The following GIPR variants were observed in gnomAD, a reference collection of about 807,000 sequenced individuals.
GIPR encodes the protein GIP-R.
Under a neutral mutation model 62.2 loss-of-function variants are expected in GIPR, and 74 were observed. The ratio of observed to expected loss-of-function variants is 1.19; its 90% CI spans 0.99 to 1.44. GIPR has a LOEUF of 1.44. Ranked by LOEUF, GIPR falls within the 40% of genes most tolerant of loss-of-function variation. The pLI, the probability that GIPR is intolerant of heterozygous loss-of-function variation, is 0.00. For synonymous variants in GIPR, 256 were observed against 262.2 expected (o/e 0.98, Z 0.23); for missense variants, 664 against 611.8 (o/e 1.09, Z -0.90).
intron 7 of GIPR, chr19:45,675,051 A>G: frequency 1.7e-6 from 1 of 573,352 alleles, no homozygotes; most frequent in Non-Finnish European, 3.2e-6. Context: ...TCACTCCCAT[A>G]CTGGAATTTT....
chr19:45,677,639 C>A, intron 9 of GIPR, 71 bp from the exon 10 acceptor site: 1 of 1,240,546 alleles, frequency 8.1e-7, no homozygotes, highest in Non-Finnish European at 1.2e-6. Context: ...CGGGGCCTAG[C>A]GAGCAAATGA....
chr19:45,674,723 T>C lies in GIPR; in HGVS notation c.530T>C (p.Phe177Ser). Reference sequence around the variant, plus strand: ...AGAAACTATATCCACATCAACCTGTTCACGTCTTTCATGCTGCGAGCTGCG... The same window carrying C: ...AGAAACTATATCCACATCAACCTGTCCACGTCTTTCATGCTGCGAGCTGCG... ...CTRNYIHINL[F>S]TSFMLRAAAI... The change falls in exon 7 of 14, where the codon TTC becomes TCC. Residue 177 changes from phenylalanine (F) to serine (S), a missense_variant. Transcript: ENST00000590918. 4.3e-6 allele frequency: 7 copies of C among 1,614,000 alleles called. No homozygotes were observed. The Middle Eastern group carries it at 6.6e-4, about 152-fold the overall frequency.
intron 2 of GIPR, 33 bp downstream of exon 2, chr19:45,669,625 C>A: frequency 6.4e-7 from 1 of 1,555,248 alleles, no homozygotes; most frequent in Non-Finnish European, 8.7e-7. Context: ...GAGCTCCAGG[C>A]TTGGAGGGAG....
intron 4 of GIPR, among the ~76,000 whole-genome samples, chr19:45,671,786 T>TTA (rs1555774571): frequency 1.3e-5 from 2 of 150,986 alleles, no homozygotes; most frequent in African/African-American, 4.9e-5. Context: ...GGCTTTTTTT[T>TTA]TATATATATA....
chr19:45,674,250 G>T lies in GIPR; in HGVS notation c.488+73G>T, dbSNP rs1975713572. On this transcript the variant is annotated intron_variant, in intron 6 of 13. Transcript: ENST00000590918. ...TCAGTTTGTCCAGTAAGATGGGGTGGTCTGTTTCCACCAGGTCCAGCTATC... is the reference window on the plus strand; with the variant it reads ...TCAGTTTGTCCAGTAAGATGGGGTGTTCTGTTTCCACCAGGTCCAGCTATC... The T allele has an allele frequency of 1.4e-5, 14 of 976,260 alleles. No individual in the cohort carries two copies. In the South Asian group the frequency reaches 1.8e-4, roughly 12 times the overall value. 60.5% of individuals were successfully genotyped at this position (976,260 alleles called of 1,614,324 possible).
chr19:45,670,751 TG>T lies in GIPR; in HGVS notation c.172+21del. ...CGCCTTCAGGTGTGACCAGGAGGGCTGGGGACGCGGGGAGGACCTGAGGCTG... is the reference window on the plus strand; with the variant it reads ...CGCCTTCAGGTGTGACCAGGAGGGCTGGGACGCGGGGAGGACCTGAGGCTG... On this transcript the variant is annotated intron_variant, in intron 3 of 13. Coordinates refer to ENST00000590918, the MANE Select transcript of GIPR (RefSeq NM_000164.4). 1 of 1,366,032 alleles carries T rather than the reference TG, an allele frequency of 7.3e-7. No homozygotes were observed. The highest frequency in any genetic ancestry group is 9.9e-7 in the Non-Finnish European group (1 of 1,011,656). 84.6% of individuals were successfully genotyped at this position (1,366,032 alleles called of 1,614,324 possible). A position where few individuals can be genotyped will look rare whatever the true frequency, so the allele number is the denominator to read the frequency against.
intron 1 of GIPR, among the ~76,000 whole-genome samples, chr19:45,668,688 G>A (rs1184057450): frequency 6.6e-6 from 1 of 152,096 alleles, no homozygotes; most frequent in East Asian, 1.9e-4. Context: ...TCTGAGGCTC[G>A]ACCTGAGATC....
In GIPR at chr19:45,677,766, T is replaced by C; in HGVS notation, c.911T>C (p.Leu304Pro). ...AIWWIIRTPI[L>P]MTILINFLIF... ...TGGTGGATTATACGGACCCCCATCC[T>C]CATGACCATCTTGGTAGGATCGGTC... The change falls in exon 10 of 14, where the codon CTC becomes CCC. Residue 304 changes from leucine (L) to proline (P), a missense_variant. By Grantham distance (98) the Leu-to-Pro change is moderately conservative (BLOSUM62 -3). Transcript: ENST00000590918. 1 of 1,613,138 alleles carries C rather than the reference T, an allele frequency of 6.2e-7. No homozygotes were observed. The highest frequency in any genetic ancestry group is 8.5e-7 in the Non-Finnish European group (1 of 1,179,100).
intron 4 of GIPR, among the ~76,000 whole-genome samples, chr19:45,672,129 C>T (rs1975575557): frequency 6.6e-6 from 1 of 151,954 alleles, no homozygotes; most frequent in Non-Finnish European, 1.5e-5. Context: ...CCTCCCGCCT[C>T]AGCCTCCCAA....
chr19:45,674,950 T>A (rs374751972), intron 7 of GIPR, 124 bp downstream of exon 7: 21 of 924,276 alleles, frequency 2.3e-5, no homozygotes, highest in Non-Finnish European at 3.7e-5. Context: ...AGGGTCCCTC[T>A]CCAAATGTGT....
intron 2 of GIPR, among the ~76,000 whole-genome samples, chr19:45,669,971 C>T (rs1264195411): frequency 1.3e-5 from 2 of 151,538 alleles, no homozygotes; most frequent in East Asian, 3.9e-4. Context: ...GGAGGCTTCC[C>T]TCAGCGCAAA....
chr19:45,672,751 C>G, intron 4 of GIPR, 100 bp from the exon 5 acceptor site: 1 of 730,958 alleles, frequency 1.4e-6, no homozygotes, highest in Non-Finnish European at 2.5e-6. Flanking sequence ...TCATCATCAC[C>G]ACTTCGGCTC....
chr19:45,672,609 C>T lies in GIPR; in HGVS notation c.281-242C>T, dbSNP rs1975599613. ...TGTGAGCCACCACGCCCAGCCTTAACATTTTGTACCTCAATTTTCCCATAT... is the reference window on the plus strand; with the variant it reads ...TGTGAGCCACCACGCCCAGCCTTAATATTTTGTACCTCAATTTTCCCATAT... On this transcript the variant is annotated intron_variant, in intron 4 of 13. Transcript: ENST00000590918. The T allele has an allele frequency of 8.9e-6, 4 of 451,746 alleles. No individual in the cohort carries two copies. In the Admixed American group the frequency reaches 1.2e-4, roughly 14 times the overall value. The allele number at this position is 451,746 out of a possible 1,614,324, so 28.0% of individuals were successfully genotyped here. A position where few individuals can be genotyped will look rare whatever the true frequency, so the allele number is the denominator to read the frequency against.
Position 45,681,887 on chromosome 19 carries a change from C to G in GIPR, c.1353C>G (p.Leu451=). The change falls in exon 14 of 14, where the codon CTC becomes CTG. Residue 451 remains leucine, a synonymous_variant. Coordinates refer to ENST00000590918, the MANE Select transcript of GIPR (RefSeq NM_000164.4). ...PTSRGLSSGT[L]PGPGNEASRE... ...GCCGCGGCTTGTCCTCGGGGACCCT[C>G]CCAGGGCCTGGGAATGAGGCCAGCC... The G allele has an allele frequency of 6.4e-7, 1 of 1,558,334 alleles. No individual in the cohort carries two copies. Among genetic ancestry groups the G allele is most frequent in the Non-Finnish European group, 8.7e-7 (1 of 1,150,546 alleles).
intron 4 of GIPR, 85 bp from the exon 5 acceptor site, chr19:45,672,766 C>G: frequency 1.3e-6 from 1 of 796,198 alleles, no homozygotes; most frequent in South Asian, 1.4e-5. Context: ...CGGCTCTCTC[C>G]CTCTCTGTTA....
rs1967251703 is a variant in GIPR, at chr19:45,681,766, G to A, written c.1232G>A (p.Arg411His). 1.2e-6 allele frequency: 2 copies of A among 1,604,314 alleles called. No homozygotes were observed. The highest frequency in any genetic ancestry group is 1.3e-5 in the African/African-American group (1 of 74,766). The change falls in exon 14 of 14, where the codon CGC becomes CAC. Residue 411 changes from arginine (R) to histidine (H), a missense_variant. Arg to His is a conservative substitution (Grantham distance 29). Transcript: ENST00000590918. ...ATCCGCCGTGGCTGGCACCACTGCC[G>A]CCTGCGCCGCAGCCTGGGCGAGGAG... ...SEIRRGWHHC[R>H]LRRSLGEEQR...
chr19:45,669,755 G>A (rs1267392932), intron 2 of GIPR, among the ~76,000 whole-genome samples, 163 bp downstream of exon 2: 3 of 152,028 alleles, frequency 2.0e-5, no homozygotes, highest in Non-Finnish European at 4.4e-5. Flanking sequence ...AGACCAGCCT[G>A]GCCAACATGG....
rs1967002668 is a variant in GIPR, at chr19:45,677,383, A to G, written c.854A>G (p.Gln285Arg). Reference sequence around the variant, plus strand: ...GTCAGGTACCTGTACGAGAACACGCAGTGAGTTGCAGGGTCTGGGGCGGGG... The same window carrying G: ...GTCAGGTACCTGTACGAGAACACGCGGTGAGTTGCAGGGTCTGGGGCGGGG... ...VIVRYLYENT[Q>R]CWERNEVKAI... is the part of the protein sequence containing the mutation. The change falls in exon 9 of 14, where the codon CAG becomes CGG. Residue 285 changes from glutamine (Q) to arginine (R), a missense_variant and splice_region_variant. Gln to Arg is a conservative substitution (Grantham distance 43). Coordinates refer to ENST00000590918, the MANE Select transcript of GIPR (RefSeq NM_000164.4). The G allele has an allele frequency of 4.9e-6, 6 of 1,223,444 alleles. No homozygotes were observed. Among genetic ancestry groups the G allele is most frequent in the Non-Finnish European group, 6.9e-6 (6 of 864,272 alleles). The allele number at this position is 1,223,444 out of a possible 1,614,324, so 75.8% of individuals were successfully genotyped here.
chr19:45,670,383 GTCC>G, intron 2 of GIPR: 1 of 440,462 alleles, frequency 2.3e-6, no homozygotes, highest in Non-Finnish European at 4.1e-6. Flanking sequence ...CCCCCAACAA[GTCC>G]TCCTGATAAT....
Sources: gnomAD v4.1 joint callset for allele counts (sites outside exome capture counted in the v4.1 genomes callset) on GRCh38, gnomAD v4.1.1 for gene constraint, MANE v1.5 for transcripts, NCBI Gene and HGNC (gene_info 2026-07-23, HGNC 2026-07-21) for gene names.